The following DYNAP variants were observed in gnomAD, a reference collection of about 807,000 sequenced individuals.
DYNAP encodes the protein dynactin-associated protein.
Under a neutral mutation model 8.5 loss-of-function variants are expected in DYNAP, and 7 were observed. The ratio of observed to expected loss-of-function variants is 0.82; its 90% confidence interval spans 0.47 to 1.54. The LOEUF is 1.54. DYNAP is among the 40% of genes most tolerant of loss of function. The pLI, the probability that DYNAP is intolerant of heterozygous loss-of-function variation, is 0.01. For synonymous variants in DYNAP, 77 were observed against 77.9 expected, an observed-to-expected ratio of 0.99 and a Z score of 0.06; for missense variants, 256 against 224.3, an observed-to-expected ratio of 1.14 and a Z score of -0.90.
chr18:54,593,696 C>T (rs1249295943), intron 1 of DYNAP, among the ~76,000 whole-genome samples: 4 of 151,652 alleles, frequency 2.6e-5, no homozygotes, highest in Non-Finnish European at 4.4e-5. Context: ...AGGGCAGAGC[C>T]AGAGGAGTGC....
chr18:54,595,937 G>C (rs1216131157), intron 2 of DYNAP, among the ~76,000 whole-genome samples: 2 of 152,138 alleles, frequency 1.3e-5, no homozygotes, highest in African/African-American at 4.8e-5. Flanking sequence ...CAATGTGAAA[G>C]AGTAAGCTCA....
upstream of DYNAP, among the ~76,000 whole-genome samples, chr18:54,583,008 A>G (rs993846685): frequency 6.6e-5 from 10 of 152,184 alleles, no homozygotes; most frequent in Admixed American, 5.9e-4. Flanking sequence ...TTCATTGATC[A>G]TCCTATACCA....
Position 54,597,778 on chromosome 18 carries a change from T to A in DYNAP, c.223-35T>A, listed in dbSNP as rs747848579. The A allele has an allele frequency of 5.2e-5, 81 of 1,557,798 alleles. No homozygotes were observed. The Middle Eastern group carries it at 5.2e-4, about 10-fold the overall frequency. The stretch of plus-strand genomic sequence containing the variant: ...AGATGATAAATTACAAGCATTTTTG[T>A]TTTTCATTGCTGATATTTTTATATA... On this transcript the variant is annotated intron_variant, in intron 2 of 2. Transcript: ENST00000648945.
Position 54,598,134 on chromosome 18 carries a change from G to T in DYNAP, c.544G>T (p.Asp182Tyr), listed in dbSNP as rs200165147. 1 of 1,606,928 alleles carries T rather than the reference G, an allele frequency of 6.2e-7. No homozygotes were observed. The highest frequency in any genetic ancestry group is 8.5e-7 in the Non-Finnish European group (1 of 1,175,924). ...STEPITVAPT[D>Y]HL ...AGAACCTATAACTGTTGCACCTACC[G>T]ATCATTTATAATTTGAACAGCCATA... Residue 182 changes from aspartate (D) to tyrosine (Y), a missense_variant, in exon 3 of 3, where the codon GAT (aspartate) becomes TAT (tyrosine). By Grantham distance (160) the Asp-to-Tyr change is radical. Transcript: ENST00000648945.
chr18:54,581,456 G>A, the DYNAP span, among the ~76,000 whole-genome samples: 2 of 152,180 alleles, frequency 1.3e-5, no homozygotes, highest in Non-Finnish European at 2.9e-5. Flanking sequence ...ACTATAACCA[G>A]CAGGAGTGCG....
In DYNAP at chr18:54,591,311, T is replaced by C; in HGVS notation, c.29T>C (p.Leu10Ser). ...GACAGAAAGCATGGAAAATACATAT[T>C]GAACGTTGAGCACTCTGAAAACCAG... Reference protein sequence around the residue: MDRKHGKYILNVEHSENQPP... With the variant: MDRKHGKYISNVEHSENQPP... The change falls in exon 1 of 3, where the codon TTG becomes TCG. Residue 10 changes from leucine to serine, a missense_variant. Leu to Ser is a moderately radical substitution (Grantham distance 145, BLOSUM62 -2). Transcript: ENST00000648945. The C allele has an allele frequency of 6.2e-7, 1 of 1,611,538 alleles. No homozygotes were observed. Among genetic ancestry groups the C allele is most frequent in the Non-Finnish European group, 8.5e-7 (1 of 1,178,612 alleles).
chr18:54,575,910 ACTT>A, the DYNAP span, among the ~76,000 whole-genome samples: 2 of 151,948 alleles, frequency 1.3e-5, no homozygotes, highest in Non-Finnish European at 2.9e-5. Flanking sequence ...TTCCCCATCA[ACTT>A]CTCCCAGCCC....
In DYNAP at chr18:54,595,159, G is replaced by A. The variant is rs148124894; in HGVS notation, c.222+56G>A. The A allele has an allele frequency of 3.3e-4, 484 of 1,481,336 alleles. 4 individuals carry two copies. The African/African-American group carries it at 6.2e-3, about 19-fold the overall frequency. 91.8% of individuals were successfully genotyped at this position (1,481,336 alleles called of 1,614,324 possible). On this transcript the variant is annotated intron_variant, in intron 2 of 2. Coordinates refer to ENST00000648945, the MANE Select transcript of DYNAP (RefSeq NM_173629.3). ...GTTGGGATGTGCTCTATATGGGCAT[G>A]TACTTTGCCTATTCTTTCCCAAGAA...
chr18:54,591,423 A>AC, intron 1 of DYNAP, 84 bp downstream of exon 1: 1 of 1,455,680 alleles, frequency 6.9e-7, no homozygotes, highest in Non-Finnish European at 9.2e-7. Flanking sequence ...TCTCTTTATT[A>AC]CTATCTAGCC....
the DYNAP span, among the ~76,000 whole-genome samples, chr18:54,579,491 C>T: frequency 6.6e-6 from 1 of 152,176 alleles, no homozygotes; most frequent in African/African-American, 2.4e-5. Context: ...TCACGTTTTC[C>T]ATACCCAGGA....
At position 54,598,237 on chromosome 18, in the gene DYNAP, A is replaced by C; in HGVS notation, c.*92A>C. Reference sequence around the variant, plus strand: ...CTATAATAGCTACTCCTATCACTTCAAGTGGAATCATGGCTGCAGTCACTT... The same window carrying C: ...CTATAATAGCTACTCCTATCACTTCCAGTGGAATCATGGCTGCAGTCACTT... On this transcript the variant is annotated 3_prime_UTR_variant, in exon 3 of 3. Coordinates refer to ENST00000648945, the MANE Select transcript of DYNAP (RefSeq NM_173629.3). 1 of 1,315,968 alleles carries C rather than the reference A, an allele frequency of 7.6e-7. No homozygotes were observed. The highest frequency in any genetic ancestry group is 1.0e-6 in the Non-Finnish European group (1 of 957,806). The allele number at this position is 1,315,968 out of a possible 1,614,324, so 81.5% of individuals were successfully genotyped here.
the DYNAP span, among the ~76,000 whole-genome samples, chr18:54,582,081 T>C: frequency 1.3e-5 from 2 of 152,132 alleles, no homozygotes; most frequent in Non-Finnish European, 2.9e-5. Context: ...GGTCAAGAGA[T>C]CCAGACCATC....
upstream of DYNAP, chr18:54,591,102 T>A: frequency 1.7e-6 from 2 of 1,186,812 alleles, no homozygotes; most frequent in Non-Finnish European, 2.3e-6. Flanking sequence ...TTTCATTTCC[T>A]CCTCTAAGGT....
the DYNAP span, among the ~76,000 whole-genome samples, chr18:54,577,703 A>T: frequency 6.6e-6 from 1 of 151,654 alleles, no homozygotes; most frequent in South Asian, 2.1e-4. Flanking sequence ...TACCCAAGGG[A>T]TCACGCCTGT....
At chr18:54,591,123 T>G, upstream of DYNAP, 1 of 1,372,902 alleles carries the variant, frequency 7.3e-7, no homozygotes, top group Non-Finnish European at 9.7e-7. Flanking sequence ...GGATCCTGTT[T>G]TAGTGAATAA....
the DYNAP span, among the ~76,000 whole-genome samples, chr18:54,580,437 C>G: frequency 1.2e-4 from 18 of 152,340 alleles, no homozygotes; most frequent in Non-Finnish European, 2.1e-4. Context: ...GCAACTACCA[C>G]TTCAACTGAG....
At chr18:54,592,056 CAT>C (rs1169278847) in intron 1 of DYNAP, among the ~76,000 whole-genome samples, 5 of 152,100 alleles carry the variant, frequency 3.3e-5, no homozygotes, top group African/African-American at 1.2e-4. Context: ...TTGCTTTTGT[CAT>C]ATGGAGCTGT....
chr18:54,587,640 C>T (rs1437979016), upstream of DYNAP: 1 of 370,570 alleles, frequency 2.7e-6, no homozygotes, highest in Non-Finnish European at 4.8e-6. Context: ...TAAATTTATG[C>T]CAAACATACA....
At chr18:54,595,885 G>T (rs1052014417) in intron 2 of DYNAP, among the ~76,000 whole-genome samples, 18 of 152,000 alleles carry the variant, frequency 1.2e-4, no homozygotes, top group African/African-American at 4.4e-4. Flanking sequence ...CTTGTTTCTT[G>T]ATTCTGGACA....
Sources: allele counts gnomAD v4.1 joint callset (sites outside exome capture counted in the v4.1 genomes callset), GRCh38; gene constraint gnomAD v4.1.1; transcripts MANE v1.5; gene names NCBI Gene and HGNC (gene_info 2026-07-23, HGNC 2026-07-21).